CDH18: variants seen among roughly 807,000 people sequenced by gnomAD.
CDH18 encodes cadherin-18.
A neutral mutation model predicts 67.9 loss-of-function variants in CDH18; 31 were observed. That is an observed-to-expected ratio of 0.46 (90% CI 0.34 to 0.62). The LOEUF (loss-of-function observed/expected upper bound fraction) is 0.62. CDH18 is among the 20% of genes least tolerant of loss of function. The pLI, the probability that CDH18 is intolerant of heterozygous loss-of-function variation, is 0.01. For missense variants in CDH18, 890 were observed against 975.5 expected (o/e 0.91, Z 1.17); for synonymous variants, 362 against 347.2 (o/e 1.04, Z -0.48).
intron 1 of CDH18, among the ~76,000 whole-genome samples, chr5:20,409,736 T>G (rs1746603377): frequency 1.3e-5 from 2 of 149,678 alleles, no homozygotes; most frequent in Admixed American, 6.6e-5. Flanking sequence ...GAAAAAAAAG[T>G]TGACATATCC....
chr5:20,002,807 G>A (rs1736558706), intron 2 of CDH18, among the ~76,000 whole-genome samples: 1 of 152,090 alleles, frequency 6.6e-6, no homozygotes, highest in African/African-American at 2.4e-5. Context: ...TCCACAATCT[G>A]TTCAGGGGAG....
chr5:20,095,142 C>T (rs1745778702), intron 2 of CDH18, among the ~76,000 whole-genome samples: 1 of 151,698 alleles, frequency 6.6e-6, no homozygotes. Context: ...ACATCACACA[C>T]CAGGCCCTGT....
chr5:19,498,887 C>T (rs1379778199), intron 11 of CDH18, among the ~76,000 whole-genome samples: 1 of 152,150 alleles, frequency 6.6e-6, no homozygotes, highest in East Asian at 1.9e-4. Context: ...TTACGTATCT[C>T]CATCTTTAGG....
At position 19,876,231 on chromosome 5, in the gene CDH18, T is replaced by A. The variant is rs139957181; in HGVS notation, c.-256-36989A>T. 1.3e-3 allele frequency among the ~76,000 whole-genome samples: 193 copies of A among 152,248 alleles called. 1 individual carries two copies. The highest frequency in any genetic ancestry group is 4.5e-3 in the African/African-American group (187 of 41,560). On this transcript the variant is annotated intron_variant, in intron 2 of 12. Coordinates refer to ENST00000382275, the MANE Select transcript of CDH18 (RefSeq NM_004934.5). ...AATCTTATTGACAAAGAAATAATGA[T>A]CCTGGACAATAACATTTTGATAACT...
At chr5:19,861,485 G>C (rs1784905999) in intron 2 of CDH18, among the ~76,000 whole-genome samples, 2 of 152,070 alleles carry the variant, frequency 1.3e-5, no homozygotes, top group African/African-American at 4.8e-5. Flanking sequence ...GTTTTGTGTG[G>C]GATGGATCTG....
intron 5 of CDH18, among the ~76,000 whole-genome samples, chr5:19,693,733 C>T (rs1471414818): frequency 3.3e-5 from 5 of 151,940 alleles, no homozygotes; most frequent in Non-Finnish European, 5.9e-5. Flanking sequence ...TCTGTCTCTA[C>T]TAAAGATACA....
At chr5:20,242,860 A>G (rs2126558645) in intron 2 of CDH18, among the ~76,000 whole-genome samples, 1 of 151,858 alleles carries the variant, frequency 6.6e-6, no homozygotes, top group East Asian at 1.9e-4. Context: ...TGTCTTTCAA[A>G]CTGAAACCAT....
chr5:20,038,541 T>C (rs1055790298), intron 2 of CDH18, among the ~76,000 whole-genome samples: 4 of 152,172 alleles, frequency 2.6e-5, no homozygotes, highest in African/African-American at 4.8e-5. Flanking sequence ...TGGTTCAACA[T>C]ATGCAAATCA....
intron 3 of CDH18, among the ~76,000 whole-genome samples, chr5:19,829,851 A>C (rs995579986): frequency 6.6e-6 from 1 of 152,198 alleles, no homozygotes; most frequent in African/African-American, 2.4e-5. Context: ...CAAAAGATCA[A>C]GGGAACAGAA....
At chr5:20,386,913 G>T (rs1288267272) in intron 1 of CDH18, among the ~76,000 whole-genome samples, 4 of 152,078 alleles carry the variant, frequency 2.6e-5, no homozygotes, top group African/African-American at 7.2e-5. Context: ...GTGGGTATGT[G>T]TGTATATATA....
At chr5:19,966,127 A>T (rs1052776577) in intron 2 of CDH18, among the ~76,000 whole-genome samples, 2 of 152,208 alleles carry the variant, frequency 1.3e-5, no homozygotes, top group African/African-American at 4.8e-5. Context: ...TGTTTAAAAG[A>T]TTGAAAGAAA....
At chr5:19,548,671 T>TAATAGAG (rs1416378767) in intron 8 of CDH18, among the ~76,000 whole-genome samples, 1 of 151,610 alleles carries the variant, frequency 6.6e-6, no homozygotes, top group African/African-American at 2.4e-5. Flanking sequence ...AGGGACAGAG[T>TAATAGAG]AATAGAGAAT....
intron 8 of CDH18, among the ~76,000 whole-genome samples, chr5:19,552,479 G>A (rs1167149993): frequency 6.6e-6 from 1 of 152,110 alleles, no homozygotes; most frequent in African/African-American, 2.4e-5. Flanking sequence ...AGCATATGTG[G>A]TCAAAAGTGT....
chr5:20,528,942 A>G (rs917489703), intron 1 of CDH18, among the ~76,000 whole-genome samples: 14 of 147,150 alleles, frequency 9.5e-5, no homozygotes, highest in African/African-American at 2.9e-4. Context: ...CAAAACATCA[A>G]TGAATCCAGG....
intron 1 of CDH18, among the ~76,000 whole-genome samples, chr5:20,368,431 C>A (rs200946504): frequency 6.6e-5 from 10 of 152,152 alleles, no homozygotes; most frequent in African/African-American, 1.4e-4. Flanking sequence ...TAAAAGCCAG[C>A]AAAATTGACA....
intron 1 of CDH18, among the ~76,000 whole-genome samples, chr5:20,519,320 G>A (rs1755577179): frequency 6.6e-6 from 1 of 152,108 alleles, no homozygotes; most frequent in Admixed American, 6.6e-5. Context: ...GTTCTTTGTA[G>A]GGACATGGAT....
chr5:20,172,654 CA>C (rs1214994646), intron 2 of CDH18, among the ~76,000 whole-genome samples: 2 of 151,870 alleles, frequency 1.3e-5, no homozygotes, highest in Non-Finnish European at 2.9e-5. Context: ...ACAGTGATTA[CA>C]AAAATATATG....
At chr5:20,168,213 C>T (rs552429372) in intron 2 of CDH18, among the ~76,000 whole-genome samples, 13 of 152,008 alleles carry the variant, frequency 8.6e-5, no homozygotes, top group South Asian at 4.2e-4. Context: ...CTGACCAATA[C>T]GCAACATAAC....
At chr5:20,490,214 T>C (rs1753504339) in intron 1 of CDH18, among the ~76,000 whole-genome samples, 1 of 152,074 alleles carries the variant, frequency 6.6e-6, no homozygotes, top group Admixed American at 6.6e-5. Context: ...ATTTTTATGA[T>C]CAAAAGGCTT....
Sources: allele counts gnomAD v4.1 joint callset (sites outside exome capture counted in the v4.1 genomes callset), GRCh38; gene constraint gnomAD v4.1.1; transcripts MANE v1.5; gene names NCBI Gene and HGNC (gene_info 2026-07-23, HGNC 2026-07-21).